The following PXK variants were observed in gnomAD, a reference collection of about 807,000 sequenced individuals.
The protein encoded by PXK is PX domain-containing protein kinase-like protein.
Under a neutral mutation model 84.7 loss-of-function variants are expected in PXK, and 35 were observed. The ratio of observed to expected loss-of-function variants is 0.41; its 90% CI spans 0.32 to 0.55. The LOEUF is 0.55. Ranked by LOEUF, PXK falls within the 20% of genes least tolerant of loss-of-function variation. PXK has a pLI of 0.21. For missense variants in PXK, 634 were observed against 699.7 expected, an observed-to-expected ratio of 0.91 and a Z score of 1.06; for synonymous variants, 253 against 260.8, an observed-to-expected ratio of 0.97 and a Z score of 0.29.
At chr3:58,406,964 G>A (rs1411736652) in intron 13 of PXK, among the ~76,000 whole-genome samples, 1 of 152,082 alleles carries the variant, frequency 6.6e-6, no homozygotes, top group African/African-American at 2.4e-5. Context: ...TTCATCTGTT[G>A]ATGAACATTT....
At chr3:58,406,951 C>A (rs2059503171) in intron 13 of PXK, among the ~76,000 whole-genome samples, 1 of 152,214 alleles carries the variant, frequency 6.6e-6, no homozygotes, top group Non-Finnish European at 1.5e-5. Context: ...CTTTTTTTAT[C>A]CATTCATCTG....
chr3:58,404,460 CT>C (rs1470033572), intron 13 of PXK, among the ~76,000 whole-genome samples: 1 of 152,214 alleles, frequency 6.6e-6, no homozygotes, highest in East Asian at 1.9e-4. Flanking sequence ...TCCTTGCCCC[CT>C]CTCCTGCACT....
rs370750451 is a variant in PXK, at chr3:58,382,563, T to A, written c.251T>A (p.Met84Lys). Reference sequence around the variant, plus strand: ...CCTCCCAAAAAATTGATTGGTAACATGGATCGTGAATTCATAGCTGAAAGG... The same window carrying A: ...CCTCCCAAAAAATTGATTGGTAACAAGGATCGTGAATTCATAGCTGAAAGG... ...PLPPKKLIGN[M>K]DREFIAERQK... The change falls in exon 4 of 18, where the codon ATG (methionine) becomes AAG (lysine). Residue 84 changes from methionine to lysine, a missense_variant. By Grantham distance (95) the Met-to-Lys change is moderately conservative. This residue lies in a region of PXK where 353 missense variants were observed against 385.2 expected (regional missense o/e 0.92). Coordinates refer to ENST00000356151, the MANE Select transcript of PXK (RefSeq NM_017771.5). The A allele has an allele frequency of 1.2e-6, 2 of 1,602,890 alleles. No homozygotes were observed. The highest frequency in any genetic ancestry group is 1.7e-6 in the Non-Finnish European group (2 of 1,176,372).
chr3:58,364,450 G>A lies in PXK; in HGVS notation c.103-1424G>A, dbSNP rs1178168591. On this transcript the variant is annotated intron_variant, in intron 1 of 17. Transcript: ENST00000356151. This position sits in a 1 kb window ranked among gnomAD's most constrained non-coding sequence, Gnocchi z 4.3. The stretch of plus-strand genomic sequence containing the variant: ...TTATAGGCTGGGCGCGGTGGCTCAC[G>A]CCTGTAATCCCAGCACTTTGGGAGG... Among the ~76,000 whole-genome samples, 3 of 152,084 alleles carry A rather than the reference G, an allele frequency of 2.0e-5. No homozygotes were observed. Among genetic ancestry groups the A allele is most frequent in the Admixed American group, 2.0e-4 (3 of 15,264 alleles).
intron 1 of PXK, among the ~76,000 whole-genome samples, chr3:58,365,068 G>A (rs1055146019): frequency 3.3e-5 from 5 of 150,904 alleles, no homozygotes; most frequent in East Asian, 1.9e-4. Flanking sequence ...AGTGTATTAC[G>A]CTCTTCTTTT....
Position 58,409,726 on chromosome 3 carries a change from T to G in PXK, c.1395+108T>G. ...ATGACAGATGCTGTGCTATATCTCC[T>G]TGAAAGCTAAGACTATTTCCAGATG... On this transcript the variant is annotated intron_variant, in intron 15 of 17. Coordinates refer to ENST00000356151, the MANE Select transcript of PXK (RefSeq NM_017771.5). This position sits in a 1 kb window ranked among gnomAD's most constrained non-coding sequence, Gnocchi z 4.2. The G allele has an allele frequency of 1.1e-6, 1 of 887,214 alleles. No homozygotes were observed. The allele number at this position is 887,214 out of a possible 1,614,324, so 55.0% of individuals were successfully genotyped here. A position where few individuals can be genotyped will look rare whatever the true frequency, so the allele number is the denominator to read the frequency against.
At chr3:58,352,174 C>G (rs2097943141) in intron 1 of PXK, among the ~76,000 whole-genome samples, 1 of 152,168 alleles carries the variant, frequency 6.6e-6, no homozygotes, top group African/African-American at 2.4e-5. Context: ...TGTGGCTGAT[C>G]ATGACACAGT....
rs575848978 is a variant in PXK at position 58,333,120 on chromosome 3, G to C, written c.102+30G>C. 8.7e-3 allele frequency: 9,556 copies of C among 1,100,508 alleles called. 45 individuals are homozygous for C. The highest frequency in any genetic ancestry group is 9.7e-3 in the Non-Finnish European group (8,768 of 903,594). 68.2% of individuals were successfully genotyped at this position (1,100,508 alleles called of 1,614,324 possible). On this transcript the variant is annotated intron_variant, in intron 1 of 17. Coordinates refer to ENST00000356151, the MANE Select transcript of PXK (RefSeq NM_017771.5). The surrounding 1 kb of genome is among the most constrained non-coding windows in gnomAD (Gnocchi z 5.4). ...GCGGCCCAGCGGGCGGGCGGGCGGCGTGGGGCGGCCCCGGGCCGCGAGGGG... is the reference window on the plus strand; with the variant it reads ...GCGGCCCAGCGGGCGGGCGGGCGGCCTGGGGCGGCCCCGGGCCGCGAGGGG...
intron 12 of PXK, among the ~76,000 whole-genome samples, chr3:58,402,299 A>G (rs55913214): frequency 0.33 from 43,797 of 132,806 alleles, 7,225 homozygotes; most frequent in Middle Eastern, 0.52. Context: ...GAGTCTTGCT[A>G]TGTTATGCAG....
chr3:58,396,978 T>G, intron 9 of PXK, 61 bp from the exon 10 acceptor site: 1 of 1,514,074 alleles, frequency 6.6e-7, no homozygotes, highest in Non-Finnish European at 9.0e-7. Flanking sequence ...AAACAAAGTT[T>G]AACTTGTCTT....
intron 1 of PXK, among the ~76,000 whole-genome samples, chr3:58,339,848 G>A (rs1327386965): frequency 1.4e-5 from 2 of 145,824 alleles, no homozygotes; most frequent in Admixed American, 6.8e-5. Context: ...GAGTTTCACC[G>A]TTGTTGCCCA....
At position 58,421,968 on chromosome 3, in the gene PXK, G is replaced by A. The variant is rs914962338; in HGVS notation, c.1529-2784G>A. 7 of 985,282 alleles carry A rather than the reference G, an allele frequency of 7.1e-6. No individual in the cohort carries two copies. Among genetic ancestry groups the A allele is most frequent in the Admixed American group, 6.1e-5 (1 of 16,264 alleles). The allele number at this position is 985,282 out of a possible 1,614,324, so 61.0% of individuals were successfully genotyped here. On this transcript the variant is annotated intron_variant, in intron 17 of 17. Transcript: ENST00000356151. This position sits in a 1 kb window ranked among gnomAD's most constrained non-coding sequence, Gnocchi z 5.5. Reference sequence around the variant, plus strand: ...AGATAAGGGTATTGGAGGTCTCTTGGCAGGAAGGCCTCATTCACATCTGAG... The same window carrying A: ...AGATAAGGGTATTGGAGGTCTCTTGACAGGAAGGCCTCATTCACATCTGAG...
chr3:58,424,991 T>C lies in PXK; in HGVS notation c.*31T>C. 2 of 1,611,502 alleles carry C rather than the reference T, an allele frequency of 1.2e-6. No homozygotes were observed. Among genetic ancestry groups the C allele is most frequent in the Non-Finnish European group, 1.7e-6 (2 of 1,178,758 alleles). On this transcript the variant is annotated 3_prime_UTR_variant, in exon 18 of 18. Coordinates refer to ENST00000356151, the MANE Select transcript of PXK (RefSeq NM_017771.5). Reference sequence around the variant, plus strand: ...CCTGTTTACACTTGGAGGGAAAAGTTCTTTTTTATTCCTACTCACCCCTAC... The same window carrying C: ...CCTGTTTACACTTGGAGGGAAAAGTCCTTTTTTATTCCTACTCACCCCTAC...
At chr3:58,422,138 A>C in intron 17 of PXK, 1 of 985,350 alleles carries the variant, frequency 1.0e-6, no homozygotes. Context: ...CGGACCTTTC[A>C]GGAAGCTTGT....
At chr3:58,338,720 C>G (rs1464273502) in intron 1 of PXK, among the ~76,000 whole-genome samples, 1 of 146,812 alleles carries the variant, frequency 6.8e-6, no homozygotes, top group Non-Finnish European at 1.5e-5. Flanking sequence ...GAGTCTTGCT[C>G]TGTCCCCCAG....
At chr3:58,352,984 C>G (rs1448615794) in intron 1 of PXK, among the ~76,000 whole-genome samples, 2 of 148,140 alleles carry the variant, frequency 1.4e-5, no homozygotes, top group Non-Finnish European at 1.5e-5. Context: ...AGTTAAAGCA[C>G]ATGATTCTAT....
chr3:58,347,169 C>T (rs1046533627), intron 1 of PXK, among the ~76,000 whole-genome samples: 2 of 152,034 alleles, frequency 1.3e-5, no homozygotes, highest in African/African-American at 4.8e-5. Context: ...GACGAGGTCT[C>T]ACTATGTTGT....
At chr3:58,376,264 A>C (rs1429622655) in intron 3 of PXK, among the ~76,000 whole-genome samples, 3 of 151,702 alleles carry the variant, frequency 2.0e-5, no homozygotes, top group Admixed American at 6.6e-5. Flanking sequence ...AAAATACAAA[A>C]ATTAGCCAGG....
At chr3:58,361,347 T>C (rs1184783209) in intron 1 of PXK, among the ~76,000 whole-genome samples, 4 of 148,884 alleles carry the variant, frequency 2.7e-5, no homozygotes, top group African/African-American at 9.9e-5. Context: ...TACCCTTTAC[T>C]CAATTTTCTC....
Sources: allele counts gnomAD v4.1 joint callset (sites outside exome capture counted in the v4.1 genomes callset), GRCh38; gene constraint gnomAD v4.1.1; regional missense constraint gnomAD v4.1.1; non-coding constraint Gnocchi (gnomAD v3.1); transcripts MANE v1.5; gene names NCBI Gene and HGNC (gene_info 2026-07-23, HGNC 2026-07-21).